Variants in MS4A4A observed in about 807,000 individuals in gnomAD.
MS4A4A encodes membrane spanning 4-domains A4A, also known as membrane-spanning 4-domains subfamily A member 4A.
In MS4A4A, 26 loss-of-function variants were observed where a neutral mutation model predicts 28.0. That is an observed-to-expected ratio of 0.93 (90% CI 0.68 to 1.29). MS4A4A has a LOEUF of 1.29. Ranked by LOEUF, MS4A4A falls within the 50% of genes most tolerant of loss-of-function variation. The probability of loss-of-function intolerance (pLI) is 0.00; values close to 1 mark genes in which losing one functional copy is unlikely to be tolerated. For synonymous variants in MS4A4A, 86 were observed against 100.8 expected, an observed-to-expected ratio of 0.85 and a Z score of 0.88; for missense variants, 290 against 293.1, an observed-to-expected ratio of 0.99 and a Z score of 0.08.
At chr11:60,292,475 A>G in intron 2 of MS4A4A, 91 bp downstream of exon 2, 1 of 1,317,312 alleles carries the variant, frequency 7.6e-7, no homozygotes, top group Non-Finnish European at 1.0e-6. Context: ...CTAGCCTCAT[A>G]ATACAACAGC....
intron 5 of MS4A4A, among the ~76,000 whole-genome samples, chr11:60,304,590 T>C (rs989842972): frequency 6.6e-6 from 1 of 152,240 alleles, no homozygotes; most frequent in African/African-American, 2.4e-5. Context: ...CACAGGTCTA[T>C]ATACATGCTA....
At chr11:60,283,165 T>C (rs946691071) in intron 1 of MS4A4A, among the ~76,000 whole-genome samples, 1 of 152,162 alleles carries the variant, frequency 6.6e-6, no homozygotes, top group East Asian at 1.9e-4. Context: ...CCATTGTGGC[T>C]TACTGCAGCC....
intron 6 of MS4A4A, among the ~76,000 whole-genome samples, chr11:60,306,676 G>A (rs2135036160): frequency 1.3e-5 from 2 of 152,292 alleles, no homozygotes; most frequent in Middle Eastern, 3.4e-3. Context: ...AATCACAAGG[G>A]TTCAGTGAGT....
At chr11:60,306,371 C>T (rs1393791237) in intron 6 of MS4A4A, among the ~76,000 whole-genome samples, 170 bp downstream of exon 6, 1 of 152,186 alleles carries the variant, frequency 6.6e-6, no homozygotes, top group Non-Finnish European at 1.5e-5. Flanking sequence ...TCTTACAAGG[C>T]TGTCATCAGG....
intron 1 of MS4A4A, among the ~76,000 whole-genome samples, chr11:60,287,451 C>A (rs774520228): frequency 6.6e-6 from 1 of 152,196 alleles, no homozygotes; most frequent in Non-Finnish European, 1.5e-5. Context: ...AGGTAGAGGT[C>A]TCCTGATGTA....
At chr11:60,292,909 GC>G (rs1462202712) in intron 2 of MS4A4A, among the ~76,000 whole-genome samples, 3 of 152,108 alleles carry the variant, frequency 2.0e-5, no homozygotes, top group African/African-American at 7.2e-5. Context: ...TTTATCACTA[GC>G]CCAAGCTTCA....
chr11:60,295,794 G>A (rs577211432), intron 2 of MS4A4A, among the ~76,000 whole-genome samples: 9 of 152,066 alleles, frequency 5.9e-5, no homozygotes, highest in South Asian at 4.2e-4. Flanking sequence ...TACATTAATC[G>A]GTTTTTTGAA....
intron 1 of MS4A4A, among the ~76,000 whole-genome samples, chr11:60,285,630 C>T (rs971731949): frequency 1.3e-5 from 2 of 152,150 alleles, no homozygotes; most frequent in Non-Finnish European, 2.9e-5. Context: ...GGTGACATCA[C>T]ATATCAGCAG....
At chr11:60,291,154 T>C (rs1367050447) in intron 1 of MS4A4A, among the ~76,000 whole-genome samples, 2 of 152,228 alleles carry the variant, frequency 1.3e-5, no homozygotes, top group Non-Finnish European at 2.9e-5. Context: ...GTTATTATAC[T>C]GAGGACAGAA....
Position 60,297,342 on chromosome 11 carries a change from T to C in MS4A4A, c.330+17T>C. ...TCAGTAATGGTGAGTAGAGTATCTT[T>C]TGATATAATTGAAGATAACATAAAG... On this transcript the variant is annotated intron_variant, in intron 3 of 6. Coordinates refer to ENST00000337908, the MANE Select transcript of MS4A4A (RefSeq NM_148975.3). 2 of 1,611,554 alleles carry C rather than the reference T, an allele frequency of 1.2e-6. No homozygotes were observed. Among genetic ancestry groups the C allele is most frequent in the South Asian group, 1.1e-5 (1 of 90,932 alleles).
At chr11:60,290,454 C>T (rs2084845189) in intron 1 of MS4A4A, among the ~76,000 whole-genome samples, 1 of 152,030 alleles carries the variant, frequency 6.6e-6, no homozygotes, top group South Asian at 2.1e-4. Flanking sequence ...AGTTCTAATT[C>T]TGTTTGTCCA....
intron 1 of MS4A4A, among the ~76,000 whole-genome samples, chr11:60,287,694 T>A (rs1207740247): frequency 1.3e-5 from 2 of 152,166 alleles, no homozygotes; most frequent in African/African-American, 4.8e-5. Context: ...CAGATATGGA[T>A]GAGACTCAAG....
chr11:60,296,701 T>C (rs2084908455), intron 2 of MS4A4A, among the ~76,000 whole-genome samples: 1 of 152,172 alleles, frequency 6.6e-6, no homozygotes, highest in African/African-American at 2.4e-5. Flanking sequence ...CATGGGATAA[T>C]GGTACTCTTA....
Position 60,308,275 on chromosome 11 carries a change from C to T in MS4A4A, c.*97C>T, listed in dbSNP as rs904126162. 3 of 1,029,330 alleles carry T rather than the reference C, an allele frequency of 2.9e-6. No individual in the cohort carries two copies. Among genetic ancestry groups the T allele is most frequent in the Non-Finnish European group, 4.5e-6 (3 of 665,336 alleles). The allele number at this position is 1,029,330 out of a possible 1,614,324, so 63.8% of individuals were successfully genotyped here. On this transcript the variant is annotated 3_prime_UTR_variant, in exon 7 of 7. Transcript: ENST00000337908. ...AAATTACCAGTATCCAACTTCGATA[C>T]TGATAGACTTGTTGATATTATTATT...
At chr11:60,284,881 T>G (rs566540023) in intron 1 of MS4A4A, among the ~76,000 whole-genome samples, 3 of 152,236 alleles carry the variant, frequency 2.0e-5, no homozygotes, top group African/African-American at 7.2e-5. Context: ...CAGAGAACTG[T>G]CCCCCTCTGG....
intron 5 of MS4A4A, among the ~76,000 whole-genome samples, chr11:60,303,345 G>GT (rs1449637816): frequency 6.6e-6 from 1 of 152,166 alleles, no homozygotes; most frequent in Non-Finnish European, 1.5e-5. Flanking sequence ...GGGCCATTGG[G>GT]TAATTGTGGG....
chr11:60,286,668 G>A (rs983559907), intron 1 of MS4A4A, among the ~76,000 whole-genome samples: 4 of 152,168 alleles, frequency 2.6e-5, no homozygotes, highest in African/African-American at 7.2e-5. Flanking sequence ...TTTTTGACTT[G>A]AAGTTTATTT....
intron 3 of MS4A4A, among the ~76,000 whole-genome samples, chr11:60,298,704 A>G (rs1166183463): frequency 2.0e-5 from 3 of 152,210 alleles, no homozygotes; most frequent in African/African-American, 7.2e-5. Context: ...TCAAGATCAC[A>G]TTAAAAACCA....
rs1014944059 is a variant in MS4A4A at position 60,300,509 on chromosome 11, G to A, written c.331-492G>A. ...CGGGCTCCTGTAGTCCCAGCTACTC[G>A]GGAGGCTGAGGCAGGAGAATGGCGT... On this transcript the variant is annotated intron_variant, in intron 3 of 6. Coordinates refer to ENST00000337908, the MANE Select transcript of MS4A4A (RefSeq NM_148975.3). Among the ~76,000 whole-genome samples the A allele has an allele frequency of 2.6e-5, 4 of 151,364 alleles. No individual in the cohort carries two copies. The East Asian group carries it at 5.8e-4, about 22-fold the overall frequency.
Sources: allele counts gnomAD v4.1 joint callset (sites outside exome capture counted in the v4.1 genomes callset), GRCh38; gene constraint gnomAD v4.1.1; transcripts MANE v1.5; gene names NCBI Gene and HGNC (gene_info 2026-07-23, HGNC 2026-07-21).